LRRTM4: variants seen among roughly 807,000 people sequenced by gnomAD.
The protein encoded by LRRTM4 is leucine-rich repeat transmembrane neuronal protein 4.
A neutral mutation model predicts 47.6 loss-of-function variants in LRRTM4; 25 were observed. That is an observed-to-expected ratio of 0.53 (90% CI 0.38 to 0.73). The LOEUF (loss-of-function observed/expected upper bound fraction) is 0.73, where lower values mean the gene tolerates loss of function less well. Ranked by LOEUF, LRRTM4 falls within the 30% of genes least tolerant of loss-of-function variation. The probability of loss-of-function intolerance (pLI) is 0.00; values close to 1 mark genes in which losing one functional copy is unlikely to be tolerated. For missense variants in LRRTM4, 638 were observed against 713.4 expected, an observed-to-expected ratio of 0.89 and a Z score of 1.20; for synonymous variants, 311 against 269.5, an observed-to-expected ratio of 1.15 and a Z score of -1.51.
At position 76,765,123 on chromosome 2, in the gene LRRTM4, G is replaced by A. The variant is rs1314338429; in HGVS notation, c.1552-16207C>T. The stretch of plus-strand genomic sequence containing the variant: ...ATCTAAAGGAGTTTGCCTTGTAGTG[G>A]AATTTTTTGGGACCCATCACAACTT... On this transcript the variant is annotated intron_variant, in intron 3 of 3. Coordinates refer to ENST00000409884, the MANE Select transcript of LRRTM4 (RefSeq NM_001134745.3). Among the ~76,000 whole-genome samples, 3 of 152,154 alleles carry A rather than the reference G, an allele frequency of 2.0e-5. 1 individual carries two copies. The highest frequency in any genetic ancestry group is 4.1e-4 in the South Asian group (2 of 4,830).
intron 3 of LRRTM4, among the ~76,000 whole-genome samples, chr2:77,457,005 T>TAC (rs1491409339): frequency 0.019 from 69 of 3,658 alleles, 1 homozygote; most frequent in African/African-American, 0.07. Context: ...TGTGTGTGTG[T>TAC]ATATATATAT....
chr2:77,185,976 A>G (rs535196379), intron 3 of LRRTM4, among the ~76,000 whole-genome samples: 2 of 152,194 alleles, frequency 1.3e-5, no homozygotes, highest in Non-Finnish European at 2.9e-5. Context: ...AGTGTTCAGC[A>G]TGTAGTAATT....
In LRRTM4 at chr2:76,996,344, C is replaced by A. The variant is rs189518464; in HGVS notation, c.1552-247428G>T. ...TAAATAATGTTAATCATGAGAGATT[C>A]TGTGTCCTACTAATGAAAATTGTGT... On this transcript the variant is annotated intron_variant, in intron 3 of 3. Transcript: ENST00000409884. Among the ~76,000 whole-genome samples the A allele has an allele frequency of 6.5e-4, 95 of 147,216 alleles. 1 individual carries two copies. The highest frequency in any genetic ancestry group is 2.3e-3 in the African/African-American group (92 of 40,694).
intron 3 of LRRTM4, among the ~76,000 whole-genome samples, chr2:77,464,061 G>A (rs1676886162): frequency 6.6e-6 from 1 of 152,088 alleles, no homozygotes; most frequent in African/African-American, 2.4e-5. Flanking sequence ...TTGGAACTGG[G>A]CTTGATGGAC....
At chr2:77,479,705 C>G (rs1677579975) in intron 3 of LRRTM4, among the ~76,000 whole-genome samples, 1 of 151,934 alleles carries the variant, frequency 6.6e-6, no homozygotes, top group South Asian at 2.1e-4. Context: ...TTTCTCGTCT[C>G]CATCTCTCTC....
chr2:77,154,324 A>G (rs991693991), intron 3 of LRRTM4, among the ~76,000 whole-genome samples: 3 of 152,186 alleles, frequency 2.0e-5, no homozygotes, highest in Non-Finnish European at 4.4e-5. Context: ...CTCAATAAAG[A>G]GAAGAATTTT....
rs576623371 is a variant in LRRTM4 at position 77,367,726 on chromosome 2, G to A, written c.1551+150592C>T. Among the ~76,000 whole-genome samples, 24 of 151,878 alleles carry A rather than the reference G, an allele frequency of 1.6e-4. No individual in the cohort carries two copies. In the East Asian group the frequency reaches 1.9e-3, roughly 12 times the overall value. On this transcript the variant is annotated intron_variant, in intron 3 of 3. Transcript: ENST00000409884. ...TTTCCATTTCTGAATGATAAGAGACGGTAGGTAGGTCAATTTGCTTTGTGG... is the reference window on the plus strand; with the variant it reads ...TTTCCATTTCTGAATGATAAGAGACAGTAGGTAGGTCAATTTGCTTTGTGG...
At chr2:76,837,774 A>C (rs888883476) in intron 3 of LRRTM4, among the ~76,000 whole-genome samples, 55 of 152,300 alleles carry the variant, frequency 3.6e-4, no homozygotes, top group Admixed American at 6.5e-4. Context: ...TTATGAGTTC[A>C]TGTCCTTTGT....
chr2:76,946,724 G>A (rs1286554791), intron 3 of LRRTM4, among the ~76,000 whole-genome samples: 1 of 151,828 alleles, frequency 6.6e-6, no homozygotes, highest in Non-Finnish European at 1.5e-5. Context: ...ATGTTACATA[G>A]CATTGTCACT....
At chr2:77,201,020 A>G (rs991744353) in intron 3 of LRRTM4, among the ~76,000 whole-genome samples, 4 of 152,172 alleles carry the variant, frequency 2.6e-5, no homozygotes, top group Non-Finnish European at 5.9e-5. Context: ...TACGTAAGCC[A>G]GTTATGGTGT....
intron 3 of LRRTM4, among the ~76,000 whole-genome samples, chr2:77,085,264 A>T (rs1680671669): frequency 6.6e-6 from 1 of 151,984 alleles, no homozygotes; most frequent in African/African-American, 2.4e-5. Flanking sequence ...TTAATTTCAT[A>T]GTAAGCCTTT....
chr2:76,762,741 CTTGAGGCCAGGAAT>C (rs1673302753), intron 3 of LRRTM4, among the ~76,000 whole-genome samples: 2 of 152,138 alleles, frequency 1.3e-5, no homozygotes, highest in Non-Finnish European at 1.5e-5. Context: ...GGGAGGATTG[CTTGAGGCCAGGAAT>C]TTGAGACCAG....
chr2:77,297,997 C>G (rs1677019798), intron 3 of LRRTM4, among the ~76,000 whole-genome samples: 1 of 152,008 alleles, frequency 6.6e-6, no homozygotes, highest in South Asian at 2.1e-4. Flanking sequence ...AGCACCTTTT[C>G]GAATTAAGCA....
At chr2:76,992,809 T>C (rs1396967937) in intron 3 of LRRTM4, among the ~76,000 whole-genome samples, 1 of 142,448 alleles carries the variant, frequency 7.0e-6, no homozygotes, top group Admixed American at 7.2e-5. Context: ...TGAACCAAGA[T>C]AGCCAAAGAA....
At chr2:76,795,125 CAAT>C (rs1014840721) in intron 3 of LRRTM4, among the ~76,000 whole-genome samples, 14 of 151,586 alleles carry the variant, frequency 9.2e-5, no homozygotes, top group Non-Finnish European at 1.6e-4. Context: ...GATTTACTAA[CAAT>C]AATATTAAAG....
chr2:76,834,016 TTTA>T (rs869263824), intron 3 of LRRTM4, among the ~76,000 whole-genome samples: 1 of 124,190 alleles, frequency 8.1e-6, no homozygotes, highest in Admixed American at 8.7e-5. Context: ...TTTTCATTTA[TTTA>T]TTATTTATTT....
At chr2:77,389,573 T>C (rs1034694109) in intron 3 of LRRTM4, among the ~76,000 whole-genome samples, 1 of 152,162 alleles carries the variant, frequency 6.6e-6, no homozygotes, top group Non-Finnish European at 1.5e-5. Flanking sequence ...TTAAATGTTA[T>C]TCATTTAGCA....
chr2:76,784,787 G>T (rs937695544), intron 3 of LRRTM4, among the ~76,000 whole-genome samples: 13 of 148,546 alleles, frequency 8.8e-5, no homozygotes, highest in Non-Finnish European at 2.0e-4. Flanking sequence ...CTTTTTGTAT[G>T]GTTTTTTATT....
At chr2:76,858,706 G>A (rs770381080) in intron 3 of LRRTM4, among the ~76,000 whole-genome samples, 1 of 152,222 alleles carries the variant, frequency 6.6e-6, no homozygotes, top group East Asian at 1.9e-4. Flanking sequence ...GTATTCTCTG[G>A]CAATTTTGAA....
Sources: gnomAD v4.1 joint callset for allele counts (sites outside exome capture counted in the v4.1 genomes callset) on GRCh38, gnomAD v4.1.1 for gene constraint, MANE v1.5 for transcripts, NCBI Gene and HGNC (gene_info 2026-07-23, HGNC 2026-07-21) for gene names.